Variants in SAMD3 observed in about 807,000 individuals in gnomAD.
SAMD3 encodes sterile alpha motif domain-containing protein 3.
SAMD3 carries 63 observed loss-of-function variants against 58.5 expected under a neutral mutation model. The observed-to-expected ratio is 1.08, with a 90% CI of 0.88 to 1.33. SAMD3 has a LOEUF of 1.33. Among genes scored for constraint, SAMD3 ranks in the 40% most tolerant of loss-of-function variants. SAMD3 has a pLI of 0.00. For synonymous variants in SAMD3, 220 were observed against 210.3 expected (o/e 1.05, Z -0.40); for missense variants, 604 against 608.4 (o/e 0.99, Z 0.08).
intron 1 of SAMD3, among the ~76,000 whole-genome samples, chr6:130,221,250 ATAAGT>A (rs1365373474): frequency 1.3e-5 from 2 of 152,230 alleles, no homozygotes; most frequent in African/African-American, 2.4e-5. Context: ...AATTCCTCAG[ATAAGT>A]TAAATATGTA....
intron 2 of SAMD3, among the ~76,000 whole-genome samples, chr6:130,256,341 C>T (rs1562483809): frequency 6.6e-6 from 1 of 151,876 alleles, no homozygotes; most frequent in East Asian, 1.9e-4. Flanking sequence ...AGTTATATGC[C>T]CTTTCTATTG....
chr6:130,144,348 CAAAG>C lies in SAMD3; in HGVS notation c.*168_*171del. On this transcript the variant is annotated 3_prime_UTR_variant, in exon 12 of 12. Coordinates refer to ENST00000439090, the MANE Select transcript of SAMD3 (RefSeq NM_001017373.4). ...AGTAGAATTTTATTACAGAATTTCA[CAAAG>C]AACTTAATATCTAAGTGTAAAGATA... 1.7e-6 allele frequency: 1 copy of C among 583,410 alleles called. No homozygotes were observed. Among genetic ancestry groups the C allele is most frequent in the Non-Finnish European group, 2.8e-6 (1 of 351,218 alleles). 36.1% of individuals were successfully genotyped at this position (583,410 alleles called of 1,614,324 possible).
intron 2 of SAMD3, among the ~76,000 whole-genome samples, chr6:130,229,432 G>A (rs1191954867): frequency 6.6e-6 from 1 of 152,136 alleles, no homozygotes; most frequent in African/African-American, 2.4e-5. Flanking sequence ...TACCCTGGTG[G>A]AAGTGGGGCT....
chr6:130,172,108 C>A (rs1582786587), intron 8 of SAMD3, among the ~76,000 whole-genome samples: 4 of 152,274 alleles, frequency 2.6e-5, no homozygotes, highest in Admixed American at 2.6e-4. Context: ...TGTGTCTTTG[C>A]ACCTGAGATG....
intron 1 of SAMD3, among the ~76,000 whole-genome samples, chr6:130,329,991 G>A (rs1776878438): frequency 6.6e-6 from 1 of 152,048 alleles, no homozygotes; most frequent in African/African-American, 2.4e-5. Flanking sequence ...TAGATGACAG[G>A]GTGATAGGAG....
chr6:130,200,394 A>T (rs571756989), intron 5 of SAMD3, among the ~76,000 whole-genome samples: 50 of 150,826 alleles, frequency 3.3e-4, no homozygotes, highest in Non-Finnish European at 6.2e-4. Flanking sequence ...ACAAAAAAAA[A>T]AAAAATTAGC....
chr6:130,317,223 C>A (rs190195153), intron 1 of SAMD3, among the ~76,000 whole-genome samples: 1 of 152,180 alleles, frequency 6.6e-6, no homozygotes, highest in African/African-American at 2.4e-5. Flanking sequence ...TGGAGCCCAA[C>A]GCTTTCCTAA....
Position 130,215,200 on chromosome 6 carries a change from A to T in SAMD3, c.74T>A (p.Phe25Tyr). 1 of 1,582,248 alleles carries T rather than the reference A, an allele frequency of 6.3e-7. No individual in the cohort carries two copies. The highest frequency in any genetic ancestry group is 8.7e-7 in the Non-Finnish European group (1 of 1,152,430). Residue 25 changes from phenylalanine (F) to tyrosine (Y), a missense_variant, in exon 3 of 12, where the codon TTT (phenylalanine) becomes TAT (tyrosine). By Grantham distance (22) the Phe-to-Tyr change is conservative (BLOSUM62 3). Transcript: ENST00000439090. ...EKNLGELVHR[F>Y]QEEEVSGAAL... is the part of the protein sequence containing the mutation. ...GGAAAGCATAAACAACTCACCTTGA[A>T]ATCTATGAACTAGCTCTCCTAAATT...
chr6:130,148,464 G>A (rs1347235145), intron 9 of SAMD3, among the ~76,000 whole-genome samples: 2 of 152,144 alleles, frequency 1.3e-5, no homozygotes, highest in African/African-American at 4.8e-5. Flanking sequence ...TTTCAGACTC[G>A]TCTTGACTCG....
chr6:130,242,889 G>A (rs1260103039), intron 2 of SAMD3, among the ~76,000 whole-genome samples: 1 of 152,198 alleles, frequency 6.6e-6, no homozygotes, highest in Non-Finnish European at 1.5e-5. Context: ...GCACTGCCAG[G>A]TGAAGAGGGC....
At chr6:130,194,893 T>C (rs987965178) in intron 5 of SAMD3, among the ~76,000 whole-genome samples, 2 of 152,224 alleles carry the variant, frequency 1.3e-5, no homozygotes, top group African/African-American at 2.4e-5. Context: ...GGAGGGTAAG[T>C]CTGTCCCCTT....
chr6:130,311,655 C>T (rs768908103), intron 2 of SAMD3, among the ~76,000 whole-genome samples: 38 of 152,114 alleles, frequency 2.5e-4, no homozygotes, highest in Admixed American at 5.2e-4. Context: ...GAGGTGGCTG[C>T]GCTGAGATGG....
At chr6:130,178,602 C>T (rs1445559985) in intron 7 of SAMD3, among the ~76,000 whole-genome samples, 1 of 152,170 alleles carries the variant, frequency 6.6e-6, no homozygotes, top group Non-Finnish European at 1.5e-5. Context: ...TGAGAGTAAT[C>T]CCTGAAAGCA....
intron 7 of SAMD3, 179 bp from the exon 8 acceptor site, chr6:130,176,187 CT>C: frequency 1.5e-6 from 1 of 674,434 alleles, no homozygotes; most frequent in South Asian, 1.6e-5. Flanking sequence ...TCTTGTGACA[CT>C]GCTACAGAAA....
At chr6:130,211,628 A>T (rs1795575118) in intron 4 of SAMD3, among the ~76,000 whole-genome samples, 1 of 152,044 alleles carries the variant, frequency 6.6e-6, no homozygotes, top group South Asian at 2.1e-4. Context: ...TGGAAGCCCC[A>T]GCTTTGAGTT....
chr6:130,238,342 C>G (rs1773236717), intron 2 of SAMD3, among the ~76,000 whole-genome samples: 1 of 152,004 alleles, frequency 6.6e-6, no homozygotes, highest in Non-Finnish European at 1.5e-5. Flanking sequence ...ATTTTATCAA[C>G]TAATATTGTT....
chr6:130,196,712 C>T (rs1794151209), intron 5 of SAMD3, among the ~76,000 whole-genome samples: 1 of 152,198 alleles, frequency 6.6e-6, no homozygotes, highest in South Asian at 2.1e-4. Flanking sequence ...CCCTACACAT[C>T]AAGCTTGAGG....
intron 2 of SAMD3, among the ~76,000 whole-genome samples, chr6:130,291,086 A>ATTTT (rs1775345627): frequency 7.5e-6 from 1 of 133,290 alleles, no homozygotes; most frequent in Non-Finnish European, 1.7e-5. Context: ...ATGACAACTG[A>ATTTT]CTTTATTTAT....
chr6:130,261,132 C>T (rs9492510), intron 2 of SAMD3, among the ~76,000 whole-genome samples: 62,125 of 144,250 alleles, frequency 0.43, 14,722 homozygotes, highest in African/African-American at 0.64. Flanking sequence ...TTGACAGGAC[C>T]GGTGTTGGGA....
Sources: allele counts gnomAD v4.1 joint callset (sites outside exome capture counted in the v4.1 genomes callset), GRCh38; gene constraint gnomAD v4.1.1; transcripts MANE v1.5; gene names NCBI Gene and HGNC (gene_info 2026-07-23, HGNC 2026-07-21).